POT1: variants seen among roughly 807,000 people sequenced by gnomAD.
POT1 encodes the protein protection of telomeres protein 1.
In POT1, 47 loss-of-function variants were observed where a neutral mutation model predicts 78.5. That is an observed-to-expected ratio of 0.60 (90% confidence interval 0.47 to 0.76). The LOEUF (loss-of-function observed/expected upper bound fraction) is 0.76. Ranked by LOEUF, POT1 falls within the 30% of genes least tolerant of loss-of-function variation. The pLI, the probability that POT1 is intolerant of heterozygous loss-of-function variation, is 0.00. For missense variants in POT1, 646 were observed against 749.9 expected (o/e 0.86, Z 1.62); for synonymous variants, 259 against 260.7 (o/e 0.99, Z 0.06).
At chr7:124,898,617 A>G (rs1245225003) in intron 3 of POT1, among the ~76,000 whole-genome samples, 1 of 152,010 alleles carries the variant, frequency 6.6e-6, no homozygotes, top group Non-Finnish European at 1.5e-5. Context: ...GTCCCACTTC[A>G]TGGACCAGGA....
Position 124,824,078 on chromosome 7 carries a change from CA to C in POT1, c.1793-5del. 1 of 1,522,854 alleles carries C rather than the reference CA, an allele frequency of 6.6e-7. No individual in the cohort carries two copies. Among genetic ancestry groups the C allele is most frequent in the Non-Finnish European group, 9.0e-7 (1 of 1,112,720 alleles). 94.3% of individuals were successfully genotyped at this position (1,522,854 alleles called of 1,614,324 possible). A position where few individuals can be genotyped will look rare whatever the true frequency, so the allele number is the denominator to read the frequency against. ...CATTCCAACCACGGATATGCATCTA[CA>C]AAAACAAAAACAAAAAAAGCGATTT... is the stretch of plus-strand genomic sequence containing the variant. On this transcript the variant is annotated splice_region_variant and splice_polypyrimidine_tract_variant and intron_variant, in intron 18 of 18. Coordinates refer to ENST00000357628, the MANE Select transcript of POT1 (RefSeq NM_015450.3).
rs757445996 is a variant in POT1 at position 124,897,265 on chromosome 7, T to C, written c.-39-53A>G. ...TGTATACAGATAACCTCCAATGTGA[T>C]TACATGCTTTTAGTTGTAGTAAAAG... On this transcript the variant is annotated intron_variant, in intron 4 of 18. Transcript: ENST00000357628. 2.8e-5 allele frequency: 19 copies of C among 686,422 alleles called. No homozygotes were observed. The Middle Eastern group carries it at 1.1e-3, about 38-fold the overall frequency. The allele number at this position is 686,422 out of a possible 1,614,324, so 42.5% of individuals were successfully genotyped here. A position where few individuals can be genotyped will look rare whatever the true frequency, so the allele number is the denominator to read the frequency against.
chr7:124,862,583 TTCTC>T (rs1159226689), intron 8 of POT1, among the ~76,000 whole-genome samples: 8 of 152,206 alleles, frequency 5.3e-5, no homozygotes, highest in African/African-American at 1.9e-4. Context: ...GATTTCTAAC[TTCTC>T]TGTTTTTTAA....
intron 12 of POT1, among the ~76,000 whole-genome samples, chr7:124,845,549 G>A (rs1795143452): frequency 6.6e-6 from 1 of 152,138 alleles, no homozygotes; most frequent in African/African-American, 2.4e-5. Flanking sequence ...GGTAAAGGTA[G>A]TGTCCAATCA....
At chr7:124,916,595 G>A (rs1797020239) in intron 2 of POT1, among the ~76,000 whole-genome samples, 1 of 151,886 alleles carries the variant, frequency 6.6e-6, no homozygotes, top group East Asian at 1.9e-4. Context: ...AGATTTCCCT[G>A]AAATGAGAAA....
intron 6 of POT1, among the ~76,000 whole-genome samples, chr7:124,872,627 C>T (rs895764318): frequency 2.0e-5 from 3 of 152,096 alleles, no homozygotes; most frequent in Admixed American, 6.6e-5. Context: ...ATCACAGATA[C>T]GTATATTTAG....
chr7:124,840,482 T>C (rs1257403079), intron 14 of POT1, among the ~76,000 whole-genome samples: 2 of 151,990 alleles, frequency 1.3e-5, no homozygotes, highest in Non-Finnish European at 2.9e-5. Context: ...AAAAATTAGA[T>C]GAAAATGAAA....
At chr7:124,894,551 T>C (rs1796448039) in intron 5 of POT1, among the ~76,000 whole-genome samples, 1 of 151,662 alleles carries the variant, frequency 6.6e-6, no homozygotes, top group Admixed American at 6.6e-5. Flanking sequence ...AACCTCATTA[T>C]AAATTCATAA....
At chr7:124,900,455 G>A (rs1429245929) in intron 3 of POT1, among the ~76,000 whole-genome samples, 2 of 152,032 alleles carry the variant, frequency 1.3e-5, no homozygotes, top group Non-Finnish European at 2.9e-5. Context: ...CACTTTGTAT[G>A]TTATTTACAA....
In POT1 at chr7:124,862,988, A is replaced by G. The variant is rs186217833; in HGVS notation, c.546+362T>C. Among the ~76,000 whole-genome samples the G allele has an allele frequency of 5.3e-5, 8 of 152,280 alleles. No homozygotes were observed. The East Asian group carries it at 1.2e-3, about 22-fold the overall frequency. ...CATCAACGGGACAAAAAAGTAAATA[A>G]ATGAGAGGGAAGGTGACCTTGACAG... On this transcript the variant is annotated intron_variant, in intron 8 of 18. Coordinates refer to ENST00000357628, the MANE Select transcript of POT1 (RefSeq NM_015450.3).
intron 7 of POT1, among the ~76,000 whole-genome samples, chr7:124,868,243 T>C (rs1361195925): frequency 1.3e-5 from 2 of 152,170 alleles, no homozygotes; most frequent in Non-Finnish European, 2.9e-5. Flanking sequence ...CTAGTGGAAC[T>C]GTCAACATAA....
At chr7:124,887,958 T>C (rs941961627) in intron 6 of POT1, among the ~76,000 whole-genome samples, 1 of 152,150 alleles carries the variant, frequency 6.6e-6, no homozygotes, top group Admixed American at 6.6e-5. Flanking sequence ...TAATAGGTTA[T>C]ACATTTTTAC....
chr7:124,873,296 G>C (rs1795913504), intron 6 of POT1, among the ~76,000 whole-genome samples: 1 of 152,126 alleles, frequency 6.6e-6, no homozygotes, highest in Non-Finnish European at 1.5e-5. Flanking sequence ...ACATTGAATA[G>C]AGTGGGCATC....
chr7:124,925,346 A>T (rs1032726775), intron 2 of POT1, among the ~76,000 whole-genome samples: 1 of 152,114 alleles, frequency 6.6e-6, no homozygotes, highest in Admixed American at 6.5e-5. Flanking sequence ...CAAGAATGCA[A>T]TCCCATTTAC....
At chr7:124,869,165 T>C (rs1296988973) in intron 7 of POT1, among the ~76,000 whole-genome samples, 1 of 152,316 alleles carries the variant, frequency 6.6e-6, no homozygotes, top group East Asian at 1.9e-4. Flanking sequence ...TGTTTGTGTA[T>C]ACAAATTGTT....
At chr7:124,925,237 T>C (rs574281067) in intron 2 of POT1, among the ~76,000 whole-genome samples, 50 of 151,976 alleles carry the variant, frequency 3.3e-4, no homozygotes, top group African/African-American at 1.2e-3. Flanking sequence ...CAAAAATCTC[T>C]TAGGTTGGTA....
chr7:124,843,285 T>A (rs1445434478), intron 12 of POT1: 1 of 174,570 alleles, frequency 5.7e-6, no homozygotes, highest in African/African-American at 2.4e-5. Context: ...AGGCAACCGT[T>A]TAAGTTCTAA....
At chr7:124,890,019 T>C (rs1161715848) in intron 6 of POT1, among the ~76,000 whole-genome samples, 5 of 152,078 alleles carry the variant, frequency 3.3e-5, no homozygotes, top group Admixed American at 6.6e-5. Context: ...CCACCATAGA[T>C]AGCAATCCTT....
Position 124,822,901 on chromosome 7 carries a change from T to G in POT1, c.*1061A>C, listed in dbSNP as rs932344389. On this transcript the variant is annotated 3_prime_UTR_variant, in exon 19 of 19. Transcript: ENST00000357628. ...ACACACTGACTCCTCTTATAATCTATTTCCAATGTTATTTCAGATGTTTAA... is the reference window on the plus strand; with the variant it reads ...ACACACTGACTCCTCTTATAATCTAGTTCCAATGTTATTTCAGATGTTTAA... 5.7e-6 allele frequency: 1 copy of G among 174,238 alleles called. No homozygotes were observed. Among genetic ancestry groups the G allele is most frequent in the Non-Finnish European group, 1.3e-5 (1 of 79,074 alleles). The allele number at this position is 174,238 out of a possible 1,614,324, so 10.8% of individuals were successfully genotyped here. A position where few individuals can be genotyped will look rare whatever the true frequency, so the allele number is the denominator to read the frequency against.
Sources: allele counts gnomAD v4.1 joint callset (sites outside exome capture counted in the v4.1 genomes callset), GRCh38; gene constraint gnomAD v4.1.1; transcripts MANE v1.5; gene names NCBI Gene and HGNC (gene_info 2026-07-23, HGNC 2026-07-21).